ALDH6A1: variants seen among roughly 807,000 people sequenced by gnomAD.
The protein encoded by ALDH6A1 is methylmalonate-semialdehyde/malonate-semialdehyde dehydrogenase [acylating], mitochondrial.
ALDH6A1 carries 43 observed loss-of-function variants against 62.6 expected under a neutral mutation model. The observed-to-expected ratio is 0.69, with a 90% CI of 0.54 to 0.89. The LOEUF is 0.89. Ranked by LOEUF, ALDH6A1 falls within the 40% of genes least tolerant of loss-of-function variation. The pLI, the probability that ALDH6A1 is intolerant of heterozygous loss-of-function variation, is 0.00. For missense variants in ALDH6A1, 551 were observed against 661.3 expected (o/e 0.83, Z 1.83); for synonymous variants, 194 against 234.2 (o/e 0.83, Z 1.57).
Position 74,057,321 on chromosome 14 carries a change from T to G in ALDH6A1, c.*3321A>C. 6.2e-7 allele frequency: 1 copy of G among 1,608,262 alleles called. No homozygotes were observed. Among genetic ancestry groups the G allele is most frequent in the South Asian group, 1.1e-5 (1 of 90,336 alleles). On this transcript the variant is annotated 3_prime_UTR_variant, in exon 12 of 12. Transcript: ENST00000553458. ...TGTCACCCTTCCCCATGTCGCTTCT[T>G]GCTAAATCACGGTTATTTTCTCTAC...
chr14:74,065,070 T>C, intron 10 of ALDH6A1, 111 bp downstream of exon 10: 1 of 1,414,092 alleles, frequency 7.1e-7, no homozygotes. Context: ...AATGGGGCAA[T>C]GTGGGAGGTC....
chr14:74,074,685 G>A (rs2060593094), intron 2 of ALDH6A1, among the ~76,000 whole-genome samples: 1 of 152,094 alleles, frequency 6.6e-6, no homozygotes, highest in Non-Finnish European at 1.5e-5. Context: ...GCTGGAAGTG[G>A]TTGACAGACA....
rs754564570 is a variant in ALDH6A1 at position 74,067,484 on chromosome 14, G to T, written c.938C>A (p.Ala313Asp). The T allele has an allele frequency of 6.2e-7, 1 of 1,614,216 alleles. No homozygotes were observed. The highest frequency in any genetic ancestry group is 1.7e-5 in the Admixed American group (1 of 60,016). ...TGAAAGAGCCATGCAGCGCTGACCA[G>T]CAGCTCCAAATGCTGCCCCAACCAG... ...NQLVGAAFGA[A>D]GQRCMALSTA... Residue 313 changes from alanine (A) to aspartate (D), a missense_variant, in exon 8 of 12, where the codon GCT becomes GAT. Physicochemically the swap from Ala to Asp is moderately radical, Grantham distance 126. Transcript: ENST00000553458.
chr14:74,064,721 C>T (rs761491314), intron 11 of ALDH6A1, 101 bp downstream of exon 11: 117 of 1,613,640 alleles, frequency 7.3e-5, no homozygotes, highest in Non-Finnish European at 9.8e-5. Flanking sequence ...TATGACCTCA[C>T]AGATGCTGCT....
chr14:74,071,725 G>A, intron 5 of ALDH6A1, 171 bp downstream of exon 5: 7 of 1,453,914 alleles, frequency 4.8e-6, no homozygotes, highest in Middle Eastern at 2.3e-4. Flanking sequence ...AAAGAGTAAA[G>A]TAAATCAGTC....
chr14:74,078,199 A>G (rs1441315123), intron 1 of ALDH6A1: 1 of 456,052 alleles, frequency 2.2e-6, no homozygotes, highest in Admixed American at 2.3e-5. Context: ...ACTTCAGAGC[A>G]CACAGAAACC....
chr14:74,076,631 G>C (rs1418572560), intron 1 of ALDH6A1, among the ~76,000 whole-genome samples: 1 of 151,978 alleles, frequency 6.6e-6, no homozygotes, highest in Admixed American at 6.6e-5. Context: ...CCACCTCCTG[G>C]GTTCAAGCTT....
intron 9 of ALDH6A1, 160 bp from the exon 10 acceptor site, chr14:74,065,520 C>G (rs1476325156): frequency 1.4e-6 from 1 of 708,526 alleles, no homozygotes; most frequent in Admixed American, 2.4e-5. Flanking sequence ...AAAAAGTCCT[C>G]TCTCAAGTGT....
At chr14:74,078,185 T>C (rs762832520) in intron 1 of ALDH6A1, 1 of 455,918 alleles carries the variant, frequency 2.2e-6, no homozygotes, top group South Asian at 1.6e-5. Flanking sequence ...ACTTTGTTTT[T>C]CTTACTTCAG....
chr14:74,079,434 T>A (rs2060648744), intron 1 of ALDH6A1, among the ~76,000 whole-genome samples: 1 of 151,234 alleles, frequency 6.6e-6, no homozygotes, highest in African/African-American at 2.4e-5. Flanking sequence ...TTATTGTTTT[T>A]TTTTTTTTTC....
chr14:74,074,863 A>G (rs2060595066), intron 2 of ALDH6A1, 92 bp downstream of exon 2: 5 of 1,313,866 alleles, frequency 3.8e-6, no homozygotes, highest in Non-Finnish European at 5.5e-6. Context: ...TTTCACATAC[A>G]CTCTGATGAC....
At position 74,065,505 on chromosome 14, in the gene ALDH6A1, T is replaced by TA. The variant is rs1422222336; in HGVS notation, c.1225-146dup. On this transcript the variant is annotated intron_variant, in intron 9 of 11. Transcript: ENST00000553458. ...CTCTTTTCATTTCAAATCACCTATT[T>TA]AAAAAAAAAGTCCTCTCTCAAGTGT... The TA allele has an allele frequency of 4.0e-4, 318 of 794,866 alleles. 2 individuals carry two copies. Among genetic ancestry groups the TA allele is most frequent in the South Asian group, 2.1e-3 (127 of 61,208 alleles). The allele number at this position is 794,866 out of a possible 1,614,324, so 49.2% of individuals were successfully genotyped here.
Position 74,071,436 on chromosome 14 carries a change from G to A in ALDH6A1, c.489C>T (p.Ile163=), listed in dbSNP as rs377741820. The A allele has an allele frequency of 2.5e-6, 4 of 1,614,074 alleles. No homozygotes were observed. Among genetic ancestry groups the A allele is most frequent in the Non-Finnish European group, 8.5e-7 (1 of 1,180,044 alleles). The change falls in exon 6 of 12, where the codon ATC becomes ATT. Residue 163 remains isoleucine, a synonymous_variant. Coordinates refer to ENST00000553458, the MANE Select transcript of ALDH6A1 (RefSeq NM_005589.4). Reference sequence around the variant, plus strand: ...AGGAATAAAGGTCCATGTCTTTGGTGATGGATGGCATGGTCTCTCCCATCA... The same window carrying A: ...AGGAATAAAGGTCCATGTCTTTGGTAATGGATGGCATGGTCTCTCCCATCA... ...SLMMGETMPS[I]TKDMDLYSYR... is the part of the protein sequence containing the mutation.
chr14:74,065,347 C>T lies in ALDH6A1; in HGVS notation c.1238G>A (p.Cys413Tyr), dbSNP rs762571931. The T allele has an allele frequency of 1.2e-6, 2 of 1,614,040 alleles. No individual in the cohort carries two copies. ...TGGACCAAAAATCTCCTCTTTGTAA[C>T]AGGTCATATTTGGCTGCCAGGAGTG... is the stretch of plus-strand genomic sequence containing the variant. ...IISNVKPNMT[C>Y]YKEEIFGPVL... The change falls in exon 10 of 12, where the codon TGT (cysteine) becomes TAT (tyrosine). Residue 413 changes from cysteine to tyrosine, a missense_variant. Cys to Tyr is a radical substitution (Grantham distance 194). Coordinates refer to ENST00000553458, the MANE Select transcript of ALDH6A1 (RefSeq NM_005589.4).
At position 74,077,855 on chromosome 14, in the gene ALDH6A1, C is replaced by T. The variant is rs113729306; in HGVS notation, c.49-2838G>A. Among the ~76,000 whole-genome samples, 157 of 152,306 alleles carry T rather than the reference C, an allele frequency of 1.0e-3. 1 individual carries two copies. The highest frequency in any genetic ancestry group is 1.9e-3 in the Non-Finnish European group (131 of 68,032). On this transcript the variant is annotated intron_variant, in intron 1 of 11. Coordinates refer to ENST00000553458, the MANE Select transcript of ALDH6A1 (RefSeq NM_005589.4). ...TTGACACTGCATCTGTCTTGTTCAC[C>T]TACTTCAGAGTTAAAGATTAAACCT...
intron 6 of ALDH6A1, chr14:74,070,960 C>T: frequency 1.8e-6 from 1 of 554,672 alleles, no homozygotes; most frequent in South Asian, 2.0e-5. Context: ...GTGTCTAGCC[C>T]TAATCCATAT....
intron 1 of ALDH6A1, among the ~76,000 whole-genome samples, chr14:74,076,465 G>A (rs372140038): frequency 6.6e-6 from 1 of 151,820 alleles, no homozygotes; most frequent in East Asian, 1.9e-4. Context: ...GTGTTCAAGC[G>A]ATTCTCCTGC....
At chr14:74,080,368 CTTT>C (rs35450547) in intron 1 of ALDH6A1, among the ~76,000 whole-genome samples, 2 of 128,960 alleles carry the variant, frequency 1.6e-5, no homozygotes. Flanking sequence ...TAAACTCTTT[CTTT>C]TTTTTTTTTT....
At chr14:74,063,316 A>G (rs557742441) in intron 11 of ALDH6A1, among the ~76,000 whole-genome samples, 1 of 151,102 alleles carries the variant, frequency 6.6e-6, no homozygotes, top group South Asian at 2.1e-4. Flanking sequence ...CCTCCCGAGT[A>G]GCTGGGATTA....
Sources: allele counts gnomAD v4.1 joint callset (sites outside exome capture counted in the v4.1 genomes callset), GRCh38; gene constraint gnomAD v4.1.1; transcripts MANE v1.5; gene names NCBI Gene and HGNC (gene_info 2026-07-23, HGNC 2026-07-21).